The following TYW1 variants were observed in gnomAD, a reference collection of about 807,000 sequenced individuals.
TYW1 encodes the protein tRNA-yW synthesizing protein 1 homolog, also known as S-adenosyl-L-methionine-dependent tRNA 4-demethylwyosine synthase TYW1.
Under a neutral mutation model 96.2 loss-of-function variants are expected in TYW1, and 46 were observed. The observed-to-expected ratio is 0.48, with a 90% CI of 0.38 to 0.61. The LOEUF (loss-of-function observed/expected upper bound fraction) is 0.61. TYW1 is among the 20% of genes least tolerant of loss of function. TYW1 has a pLI of 0.00. For synonymous variants in TYW1, 274 were observed against 323.0 expected, an observed-to-expected ratio of 0.85 and a Z score of 1.63; for missense variants, 684 against 909.6, an observed-to-expected ratio of 0.75 and a Z score of 3.19.
intron 15 of TYW1, among the ~76,000 whole-genome samples, chr7:67,196,343 T>C (rs1800392013): frequency 6.6e-6 from 1 of 152,184 alleles, no homozygotes; most frequent in Non-Finnish European, 1.5e-5. Flanking sequence ...GTGAGTTGTT[T>C]TATGGTTTGT....
At chr7:67,212,882 T>A (rs1365155071) in intron 15 of TYW1, among the ~76,000 whole-genome samples, 1 of 152,118 alleles carries the variant, frequency 6.6e-6, no homozygotes, top group African/African-American at 2.4e-5. Flanking sequence ...TTATTTATTT[T>A]TTTATGTTTT....
intron 11 of TYW1, among the ~76,000 whole-genome samples, chr7:67,091,741 G>A (rs1796727121): frequency 6.6e-6 from 1 of 151,872 alleles, no homozygotes; most frequent in Non-Finnish European, 1.5e-5. Flanking sequence ...GAGAACCAAG[G>A]TTTTACATAA....
intron 12 of TYW1, among the ~76,000 whole-genome samples, chr7:67,107,726 T>C (rs903219728): frequency 8.6e-5 from 13 of 151,714 alleles, no homozygotes; most frequent in South Asian, 2.1e-4. Flanking sequence ...GAGATAAGAT[T>C]GACTTTTTTT....
intron 11 of TYW1, among the ~76,000 whole-genome samples, chr7:67,085,755 C>T (rs923434010): frequency 8.5e-5 from 13 of 152,084 alleles, no homozygotes; most frequent in African/African-American, 2.2e-4. Flanking sequence ...GATCACCTGA[C>T]GTCAGGAGTT....
chr7:67,063,453 A>G (rs1418954292), intron 9 of TYW1, among the ~76,000 whole-genome samples: 1 of 152,240 alleles, frequency 6.6e-6, no homozygotes, highest in Non-Finnish European at 1.5e-5. Flanking sequence ...GAAAATGCAT[A>G]CAGGTTGCAA....
At chr7:67,053,766 C>G (rs1442564975) in intron 8 of TYW1, among the ~76,000 whole-genome samples, 1 of 152,174 alleles carries the variant, frequency 6.6e-6, no homozygotes, top group Non-Finnish European at 1.5e-5. Context: ...ATGGTTCTTT[C>G]CCATCCTTGG....
intron 8 of TYW1, among the ~76,000 whole-genome samples, chr7:67,053,980 C>A (rs981571612): frequency 1.3e-5 from 2 of 152,170 alleles, no homozygotes; most frequent in Admixed American, 1.3e-4. Context: ...TCTCTCTTTG[C>A]TACATGGCCT....
At chr7:67,028,317 G>A (rs6972674) in intron 7 of TYW1, among the ~76,000 whole-genome samples, 5,218 of 151,576 alleles carry the variant, frequency 0.034, 258 homozygotes, top group East Asian at 0.16. Flanking sequence ...AGAGGCCAAG[G>A]CAGGTGGATC....
chr7:67,006,095 G>T (rs1417741197), intron 3 of TYW1, among the ~76,000 whole-genome samples: 1 of 152,098 alleles, frequency 6.6e-6, no homozygotes, highest in Non-Finnish European at 1.5e-5. Context: ...ATCTTACGTC[G>T]GATCGTAGTC....
At chr7:66,998,295 C>T in intron 2 of TYW1, 100 bp downstream of exon 2, 2 of 1,427,776 alleles carry the variant, frequency 1.4e-6, no homozygotes, top group Non-Finnish European at 1.9e-6. Flanking sequence ...TGTGTTTGGT[C>T]TTTAGACATT....
rs1464448144 is a variant in TYW1 at position 67,206,187 on chromosome 7, C to T, written c.1977+10850C>T. Among the ~76,000 whole-genome samples the T allele has an allele frequency of 4.6e-5, 7 of 152,218 alleles. No homozygotes were observed. The South Asian group carries it at 1.2e-3, about 27-fold the overall frequency. ...TTTTCTTTATTTAATTGAAAGGTGT[C>T]GCCCAGTTAAGGTTGTATGGCTGCT... On this transcript the variant is annotated intron_variant, in intron 15 of 15. Transcript: ENST00000359626.
At chr7:67,058,638 T>G (rs1408015288) in intron 9 of TYW1, among the ~76,000 whole-genome samples, 4 of 148,170 alleles carry the variant, frequency 2.7e-5, no homozygotes. Flanking sequence ...CTGGCAAAAG[T>G]TTTTTTTTTG....
At chr7:67,053,521 A>C (rs1252745971) in intron 8 of TYW1, among the ~76,000 whole-genome samples, 1 of 151,844 alleles carries the variant, frequency 6.6e-6, no homozygotes, top group Non-Finnish European at 1.5e-5. Context: ...CTGGGATTAC[A>C]TGCATACGCC....
At position 67,014,503 on chromosome 7, in the gene TYW1, G is replaced by A; in HGVS notation, c.512G>A (p.Gly171Asp). ...CGATTTGGCAAAACTTACCTGAAGGGTATGAGATATGCGGTATTTGGCCTG... is the reference window on the plus strand; with the variant it reads ...CGATTTGGCAAAACTTACCTGAAGGATATGAGATATGCGGTATTTGGCCTG... ...DFRFGKTYLK[G>D]MRYAVFGLGN... The change falls in exon 5 of 16, where the codon GGT becomes GAT. Residue 171 changes from glycine (G) to aspartate (D), a missense_variant. Gly to Asp is a moderately conservative substitution (Grantham distance 94). Coordinates refer to ENST00000359626, the MANE Select transcript of TYW1 (RefSeq NM_018264.4). 6.2e-7 allele frequency: 1 copy of A among 1,613,904 alleles called. No individual in the cohort carries two copies. Among genetic ancestry groups the A allele is most frequent in the South Asian group, 1.1e-5 (1 of 91,072 alleles).
intron 13 of TYW1, among the ~76,000 whole-genome samples, chr7:67,148,625 G>A (rs1175115067): frequency 5.3e-5 from 8 of 152,084 alleles, no homozygotes; most frequent in Admixed American, 2.0e-4. Flanking sequence ...TAGAGACGGG[G>A]TTTCACTGTG....
At chr7:67,008,882 G>A (rs1325509070) in intron 3 of TYW1, among the ~76,000 whole-genome samples, 4 of 152,036 alleles carry the variant, frequency 2.6e-5, no homozygotes, top group East Asian at 1.9e-4. Context: ...GGCTGGTCTC[G>A]CATTCCTGAC....
chr7:67,228,920 G>A (rs1801652088), intron 15 of TYW1, among the ~76,000 whole-genome samples: 1 of 152,198 alleles, frequency 6.6e-6, no homozygotes, highest in South Asian at 2.1e-4. Flanking sequence ...AAACCGATGG[G>A]AAGTCAGTTC....
In TYW1 at chr7:67,014,449, A is replaced by G. The variant is rs139257345; in HGVS notation, c.458A>G (p.Lys153Arg). The change falls in exon 5 of 16, where the codon AAA becomes AGA. Residue 153 changes from lysine (K) to arginine (R), a missense_variant. Coordinates refer to ENST00000359626, the MANE Select transcript of TYW1 (RefSeq NM_018264.4). ...LPTESAEWFC[K>R]WLEEASIDFR... is the part of the protein sequence containing the mutation. ...ACTGAAAGTGCAGAGTGGTTCTGCAAATGGTTAGAGGAAGCATCCATTGAT... is the reference window on the plus strand; with the variant it reads ...ACTGAAAGTGCAGAGTGGTTCTGCAGATGGTTAGAGGAAGCATCCATTGAT... The G allele has an allele frequency of 1.2e-6, 2 of 1,613,860 alleles. No homozygotes were observed. The highest frequency in any genetic ancestry group is 2.7e-5 in the African/African-American group (2 of 74,918).
intron 13 of TYW1, among the ~76,000 whole-genome samples, chr7:67,173,221 C>T (rs1234179008): frequency 6.6e-6 from 1 of 151,974 alleles, no homozygotes; most frequent in Non-Finnish European, 1.5e-5. Context: ...ACAAGATTCT[C>T]ACATTGTACT....
Sources: gnomAD v4.1 joint callset for allele counts (sites outside exome capture counted in the v4.1 genomes callset) on GRCh38, gnomAD v4.1.1 for gene constraint, MANE v1.5 for transcripts, NCBI Gene and HGNC (gene_info 2026-07-23, HGNC 2026-07-21) for gene names.